The following KIAA1549L variants were observed in gnomAD, a reference collection of about 807,000 sequenced individuals.
KIAA1549L encodes the protein KIAA1549 like.
Under a neutral mutation model 160.7 loss-of-function variants are expected in KIAA1549L, and 88 were observed. The observed-to-expected ratio is 0.55, with a 90% CI of 0.46 to 0.65. KIAA1549L has a LOEUF of 0.65. Among genes scored for constraint, KIAA1549L ranks in the 30% least tolerant of loss-of-function variants. The pLI is 0.00. For missense variants in KIAA1549L, 2,258 were observed against 2,437.5 expected, an observed-to-expected ratio of 0.93 and a Z score of 1.55; for synonymous variants, 950 against 976.7, an observed-to-expected ratio of 0.97 and a Z score of 0.51.
At chr11:33,490,934 C>T (rs528288388) in intron 1 of KIAA1549L, among the ~76,000 whole-genome samples, 94 of 152,338 alleles carry the variant, frequency 6.2e-4, no homozygotes, top group African/African-American at 2.2e-3. Flanking sequence ...CTTTGCACAG[C>T]AAGAATCTGC....
At chr11:33,626,156 A>C (rs1490397714) in intron 16 of KIAA1549L, among the ~76,000 whole-genome samples, 3 of 147,782 alleles carry the variant, frequency 2.0e-5, no homozygotes, top group Admixed American at 6.7e-5. Flanking sequence ...TGTTTTGGTT[A>C]CTGTAGCCTT....
intron 12 of KIAA1549L, among the ~76,000 whole-genome samples, chr11:33,595,362 G>T (rs1348438756): frequency 6.6e-6 from 1 of 152,170 alleles, no homozygotes; most frequent in East Asian, 1.9e-4. Flanking sequence ...GAGTAGCTGG[G>T]ATTACAGACA....
chr11:33,419,075 G>A (rs1455675146), intron 1 of KIAA1549L, among the ~76,000 whole-genome samples: 3 of 152,006 alleles, frequency 2.0e-5, no homozygotes, highest in African/African-American at 7.3e-5. Flanking sequence ...GTTTCATTGT[G>A]TTGGCCAGGC....
At chr11:33,583,965 T>C (rs1855728882) in intron 11 of KIAA1549L, among the ~76,000 whole-genome samples, 1 of 152,176 alleles carries the variant, frequency 6.6e-6, no homozygotes, top group Non-Finnish European at 1.5e-5. Context: ...ATTTATATGT[T>C]GAAATTCTGA....
rs117048075 is a variant in KIAA1549L at position 33,538,997 on chromosome 11, A to G, written c.239-2805A>G. Reference sequence around the variant, plus strand: ...GACTAAGGGCAAGCCTTTCTGTTTAATCCTAATATATGTCTTCCTTTAGTA... The same window carrying G: ...GACTAAGGGCAAGCCTTTCTGTTTAGTCCTAATATATGTCTTCCTTTAGTA... On this transcript the variant is annotated intron_variant, in intron 1 of 20. Transcript: ENST00000658780. Among the ~76,000 whole-genome samples the G allele has an allele frequency of 7.6e-3, 1,159 of 152,322 alleles. 8 individuals carry two copies. The highest frequency in any genetic ancestry group is 0.012 in the Non-Finnish European group (828 of 68,038).
At chr11:33,449,931 A>T (rs1259565015) in intron 1 of KIAA1549L, among the ~76,000 whole-genome samples, 1 of 152,236 alleles carries the variant, frequency 6.6e-6, no homozygotes, top group Non-Finnish European at 1.5e-5. Flanking sequence ...CATGCAGGTG[A>T]CAAAGTAGAT....
chr11:33,557,235 T>G (rs1854680750), intron 6 of KIAA1549L, among the ~76,000 whole-genome samples: 1 of 152,228 alleles, frequency 6.6e-6, no homozygotes, highest in South Asian at 2.1e-4. Flanking sequence ...GTGATCCATC[T>G]GCCTTGGCTT....
At chr11:33,465,362 C>A (rs749345738) in intron 1 of KIAA1549L, among the ~76,000 whole-genome samples, 60 of 152,088 alleles carry the variant, frequency 3.9e-4, no homozygotes, top group Non-Finnish European at 6.5e-4. Context: ...CCCCAGGGGA[C>A]CTTCTTGTCT....
chr11:33,587,865 A>G (rs1849927028), intron 11 of KIAA1549L, among the ~76,000 whole-genome samples: 1 of 152,196 alleles, frequency 6.6e-6, no homozygotes. Context: ...ACTTCCTCAC[A>G]GACAGGCCAG....
In KIAA1549L at chr11:33,559,818, C is replaced by T. The variant is rs1297388510; in HGVS notation, c.3925C>T (p.Leu1309Phe). ...VYVVGNQSTF[L>F]NGTVASSLLS... ...CGTCGTGGGCAATCAGAGCACATTC[C>T]TCAACGGCACCGTCGCCAGCAGCCT... is the stretch of plus-strand genomic sequence containing the variant. Residue 1309 changes from leucine (L) to phenylalanine (F), a missense_variant, in exon 7 of 21, where the codon CTC (leucine) becomes TTC (phenylalanine). Physicochemically the swap from Leu to Phe is conservative, Grantham distance 22. Transcript: ENST00000658780. The T allele has an allele frequency of 3.1e-6, 5 of 1,613,898 alleles. No homozygotes were observed. Among genetic ancestry groups the T allele is most frequent in the South Asian group, 2.2e-5 (2 of 91,080 alleles).
At chr11:33,455,713 T>A (rs1851808412) in intron 1 of KIAA1549L, among the ~76,000 whole-genome samples, 1 of 152,216 alleles carries the variant, frequency 6.6e-6, no homozygotes, top group African/African-American at 2.4e-5. Context: ...AGACATTTTT[T>A]TCCTAAATAC....
At chr11:33,381,739 A>G (rs72919346) in intron 1 of KIAA1549L, among the ~76,000 whole-genome samples, 13,557 of 152,246 alleles carry the variant, frequency 0.089, 686 homozygotes, top group African/African-American at 0.13. Flanking sequence ...GGAAGCTGTT[A>G]TTGAAATCAA....
At chr11:33,536,273 A>G (rs1473416477) in intron 1 of KIAA1549L, among the ~76,000 whole-genome samples, 1 of 152,240 alleles carries the variant, frequency 6.6e-6, no homozygotes, top group Non-Finnish European at 1.5e-5. Context: ...CACAGTGCGG[A>G]TGGCTTTTCC....
At chr11:33,446,569 C>G (rs561851319) in intron 1 of KIAA1549L, among the ~76,000 whole-genome samples, 25 of 152,148 alleles carry the variant, frequency 1.6e-4, no homozygotes, top group Non-Finnish European at 3.1e-4. Context: ...TCAGGATCAG[C>G]TTGGCCACGT....
chr11:33,497,366 A>G (rs1338504076), intron 1 of KIAA1549L, among the ~76,000 whole-genome samples: 1 of 152,226 alleles, frequency 6.6e-6, no homozygotes, highest in East Asian at 1.9e-4. Context: ...GACCTTCTTA[A>G]TAAGCAAGTG....
Position 33,542,522 on chromosome 11 carries a change from C to T in KIAA1549L, c.959C>T (p.Ser320Phe). 6.2e-7 allele frequency: 1 copy of T among 1,613,968 alleles called. No individual in the cohort carries two copies. The highest frequency in any genetic ancestry group is 2.2e-5 in the East Asian group (1 of 44,880). ...IGIPHLGVSG[S>F]STKWHSELSP... Reference sequence around the variant, plus strand: ...ATCCCTCATCTAGGTGTTTCTGGATCCTCAACAAAATGGCATTCCGAGCTG... The same window carrying T: ...ATCCCTCATCTAGGTGTTTCTGGATTCTCAACAAAATGGCATTCCGAGCTG... The change falls in exon 2 of 21, where the codon TCC (serine) becomes TTC (phenylalanine). Residue 320 changes from serine (S) to phenylalanine (F), a missense_variant. This residue lies in a region of KIAA1549L where 540 missense variants were observed against 465.7 expected (regional missense o/e 1.16). Transcript: ENST00000658780.
At chr11:33,482,538 GTATCTAAGAGC>G (rs1852432834) in intron 1 of KIAA1549L, among the ~76,000 whole-genome samples, 1 of 147,750 alleles carries the variant, frequency 6.8e-6, no homozygotes. Flanking sequence ...ACAATTACGT[GTATCTAAGAGC>G]TATCTTTGCA....
chr11:33,664,239 A>G (rs1852363419), intron 20 of KIAA1549L, among the ~76,000 whole-genome samples: 1 of 151,998 alleles, frequency 6.6e-6, no homozygotes, highest in Non-Finnish European at 1.5e-5. Context: ...TTCTCATCCG[A>G]CCCATTGAGA....
Position 33,604,085 on chromosome 11 carries a change from T to A in KIAA1549L, c.4880-2556T>A, listed in dbSNP as rs538207148. ...AGAGGGAAAGCTCAGAGGTGGAAGGTTGTTTAGAAGGTCTGTAAGTTATCT... is the reference window on the plus strand; with the variant it reads ...AGAGGGAAAGCTCAGAGGTGGAAGGATGTTTAGAAGGTCTGTAAGTTATCT... On this transcript the variant is annotated intron_variant, in intron 13 of 20. Coordinates refer to ENST00000658780, the MANE Select transcript of KIAA1549L (RefSeq NM_012194.3). 7.9e-5 allele frequency among the ~76,000 whole-genome samples: 12 copies of A among 152,278 alleles called. No homozygotes were observed. In the South Asian group the frequency reaches 2.5e-3, roughly 32 times the overall value.
Sources: allele counts gnomAD v4.1 joint callset (sites outside exome capture counted in the v4.1 genomes callset), GRCh38; gene constraint gnomAD v4.1.1; regional missense constraint gnomAD v4.1.1; transcripts MANE v1.5; gene names NCBI Gene and HGNC (gene_info 2026-07-23, HGNC 2026-07-21).